The following CD59 variants were observed in gnomAD, a reference collection of about 807,000 sequenced individuals.
CD59 encodes the protein CD59 glycoprotein.
Under a neutral mutation model 7.0 loss-of-function variants are expected in CD59, and 3 were observed. The ratio of observed to expected loss-of-function variants is 0.43; its 90% CI spans 0.19 to 1.10. The LOEUF (loss-of-function observed/expected upper bound fraction) is 1.10, where lower values mean the gene tolerates loss of function less well. Ranked by LOEUF, CD59 falls within the 50% of genes least tolerant of loss-of-function variation. The probability of loss-of-function intolerance (pLI) is 0.29; values close to 1 mark genes in which losing one functional copy is unlikely to be tolerated. For missense variants in CD59, 143 were observed against 151.0 expected (o/e 0.95, Z 0.28); for synonymous variants, 60 against 62.0 (o/e 0.97, Z 0.15).
At chr11:33,733,998 C>T (rs1295716672) in intron 1 of CD59, among the ~76,000 whole-genome samples, 3 of 152,250 alleles carry the variant, frequency 2.0e-5, no homozygotes. Context: ...CCCAAGGCAA[C>T]ATGTTAGTCG....
At chr11:33,716,996 T>A (rs912617378) in intron 3 of CD59, among the ~76,000 whole-genome samples, 12 of 152,246 alleles carry the variant, frequency 7.9e-5, no homozygotes, top group African/African-American at 2.9e-4. Context: ...CCCTAGCTCC[T>A]AACCCTCTGC....
intron 3 of CD59, among the ~76,000 whole-genome samples, chr11:33,714,288 T>TA (rs1254430630): frequency 6.6e-6 from 1 of 152,238 alleles, no homozygotes. Flanking sequence ...TACAGCAAGT[T>TA]ACTATACTGA....
chr11:33,732,735 G>GA (rs1854455343), intron 1 of CD59, among the ~76,000 whole-genome samples: 1 of 152,140 alleles, frequency 6.6e-6, no homozygotes, highest in South Asian at 2.1e-4. Context: ...GAGGAAACAA[G>GA]ATTGAGGAAG....
intron 1 of CD59, among the ~76,000 whole-genome samples, chr11:33,734,492 G>C (rs1564980702): frequency 6.6e-6 from 1 of 152,016 alleles, no homozygotes; most frequent in African/African-American, 2.4e-5. Flanking sequence ...GCCGACAGGC[G>C]CCAGTGTGTG....
At position 33,704,469 on chromosome 11, in the gene CD59, C is replaced by T. The variant is rs2133505073; in HGVS notation, c.*5657G>A. On this transcript the variant is annotated 3_prime_UTR_variant, in exon 4 of 4. Coordinates refer to ENST00000642928, the MANE Select transcript of CD59 (RefSeq NM_000611.6). ...GGGGTCCATCCTAGAAAACCCAACC[C>T]ACTCCAGATAATCGCGCCAGCCTCA... 1 of 152,100 alleles carries T rather than the reference C, an allele frequency of 6.6e-6. No individual in the cohort carries two copies. The highest frequency in any genetic ancestry group is 1.9e-4 in the East Asian group (1 of 5,190). 9.4% of individuals were successfully genotyped at this position (152,100 alleles called of 1,614,324 possible). A position where few individuals can be genotyped will look rare whatever the true frequency, so the allele number is the denominator to read the frequency against.
rs139158170 is a variant in CD59, at chr11:33,722,323, A to G, written c.67+56T>C. ...GCTGGGGCTGAAACTGAGGCTTAAG[A>G]AGGGAGTTCATGGCCAAGGCAGCCT... On this transcript the variant is annotated intron_variant, in intron 2 of 3. Coordinates refer to ENST00000642928, the MANE Select transcript of CD59 (RefSeq NM_000611.6). 23 of 1,283,900 alleles carry G rather than the reference A, an allele frequency of 1.8e-5. No individual in the cohort carries two copies. The East Asian group carries it at 5.3e-4, about 30-fold the overall frequency. 79.5% of individuals were successfully genotyped at this position (1,283,900 alleles called of 1,614,324 possible).
chr11:33,731,065 A>G (rs1231069178), intron 1 of CD59, among the ~76,000 whole-genome samples: 3 of 152,194 alleles, frequency 2.0e-5, no homozygotes, highest in African/African-American at 4.8e-5. Flanking sequence ...GGCAATACAT[A>G]TAACACACCA....
Position 33,710,118 on chromosome 11 carries a change from G to A in CD59, c.*8C>T, listed in dbSNP as rs759828865. 6.2e-7 allele frequency: 1 copy of A among 1,604,746 alleles called. No homozygotes were observed. Among genetic ancestry groups the A allele is most frequent in the Non-Finnish European group, 8.5e-7 (1 of 1,172,864 alleles). On this transcript the variant is annotated 3_prime_UTR_variant, in exon 4 of 4. Coordinates refer to ENST00000642928, the MANE Select transcript of CD59 (RefSeq NM_000611.6). ...GGGGAGTTTGGGAGAAGCTCTCCTG[G>A]TGTTGACTTAGGGATGAAGGCTCCA...
intron 3 of CD59, among the ~76,000 whole-genome samples, chr11:33,716,292 T>A (rs1208418766): frequency 1.3e-5 from 2 of 152,218 alleles, no homozygotes. Context: ...GGATTTCTCC[T>A]TTCTGGGGAA....
intron 1 of CD59, among the ~76,000 whole-genome samples, chr11:33,731,137 G>T (rs1161603226): frequency 6.6e-6 from 1 of 152,124 alleles, no homozygotes; most frequent in East Asian, 1.9e-4. Context: ...TAGGCTATTA[G>T]TAATTAAGTT....
chr11:33,729,201 G>A (rs1467656748), intron 1 of CD59, among the ~76,000 whole-genome samples: 1 of 152,190 alleles, frequency 6.6e-6, no homozygotes, highest in Non-Finnish European at 1.5e-5. Flanking sequence ...AAAGACACAT[G>A]CACACGTATG....
chr11:33,710,747 G>T (rs946280014), intron 3 of CD59, among the ~76,000 whole-genome samples: 2 of 149,968 alleles, frequency 1.3e-5, no homozygotes, highest in South Asian at 2.1e-4. Context: ...GAGAGATAAG[G>T]TCTCACTTTC....
At chr11:33,711,932 C>A (rs2133528907) in intron 3 of CD59, among the ~76,000 whole-genome samples, 1 of 150,704 alleles carries the variant, frequency 6.6e-6, no homozygotes, top group Admixed American at 6.6e-5. Context: ...GGTGTAGATA[C>A]TCTGGACAAA....
intron 1 of CD59, among the ~76,000 whole-genome samples, chr11:33,725,736 T>A (rs1200101104): frequency 6.6e-6 from 1 of 152,096 alleles, no homozygotes; most frequent in African/African-American, 2.4e-5. Context: ...GATACACACA[T>A]CCAACAATAA....
chr11:33,717,778 A>C, intron 2 of CD59: 2 of 365,758 alleles, frequency 5.5e-6, no homozygotes, highest in Non-Finnish European at 1.0e-5. Flanking sequence ...GTTAAGAAGA[A>C]ATTACCGAGA....
intron 1 of CD59, among the ~76,000 whole-genome samples, chr11:33,734,805 G>C (rs1854517705): frequency 6.6e-6 from 1 of 152,166 alleles, no homozygotes; most frequent in South Asian, 2.1e-4. Flanking sequence ...TGTCTGTGGC[G>C]GTTTGGCTGA....
intron 3 of CD59, among the ~76,000 whole-genome samples, chr11:33,712,630 G>A (rs1853608560): frequency 6.6e-6 from 1 of 152,242 alleles, no homozygotes; most frequent in Admixed American, 6.5e-5. Context: ...GGGCATGCAG[G>A]AGGGAGGAAT....
intron 1 of CD59, 187 bp from the exon 2 acceptor site, chr11:33,722,650 A>G: frequency 7.0e-7 from 1 of 1,438,718 alleles, no homozygotes; most frequent in Non-Finnish European, 9.2e-7. Flanking sequence ...GAGTAGGCTC[A>G]GTCCCTATAA....
chr11:33,718,249 G>A (rs943888855), intron 2 of CD59: 23 of 152,502 alleles, frequency 1.5e-4, no homozygotes, highest in African/African-American at 4.6e-4. Context: ...TAGGGAAGCC[G>A]AGGAGGGTGG....
Sources: allele counts gnomAD v4.1 joint callset (sites outside exome capture counted in the v4.1 genomes callset), GRCh38; gene constraint gnomAD v4.1.1; transcripts MANE v1.5; gene names NCBI Gene and HGNC (gene_info 2026-07-23, HGNC 2026-07-21).